The following ARL15 variants were observed in gnomAD, a reference collection of about 807,000 sequenced individuals.
The protein encoded by ARL15 is ARF like GTPase 15, also known as ADP-ribosylation factor-like protein 15.
A neutral mutation model predicts 25.2 loss-of-function variants in ARL15; 19 were observed. The ratio of observed to expected loss-of-function variants is 0.75; its 90% CI spans 0.53 to 1.10. The LOEUF (loss-of-function observed/expected upper bound fraction) is 1.10. Ranked by LOEUF, ARL15 falls within the 50% of genes least tolerant of loss-of-function variation. The pLI is 0.00. For synonymous variants in ARL15, 94 were observed against 86.8 expected (o/e 1.08, Z -0.46); for missense variants, 220 against 246.0 (o/e 0.89, Z 0.71).
intron 4 of ARL15, among the ~76,000 whole-genome samples, chr5:54,013,842 C>T (rs908201857): frequency 6.6e-6 from 1 of 151,998 alleles, no homozygotes; most frequent in Non-Finnish European, 1.5e-5. Context: ...ATTCCCTTAC[C>T]CCCCCACCCA....
chr5:54,078,898 T>C (rs903723038), intron 4 of ARL15, among the ~76,000 whole-genome samples: 3 of 152,162 alleles, frequency 2.0e-5, no homozygotes, highest in Admixed American at 2.0e-4. Flanking sequence ...GTTTTAGTAG[T>C]AAAGTATCGC....
chr5:53,957,133 A>T (rs1177088640), intron 4 of ARL15, among the ~76,000 whole-genome samples: 1 of 152,212 alleles, frequency 6.6e-6, no homozygotes, highest in African/African-American at 2.4e-5. Context: ...ATGCAAAGAG[A>T]TCTGCACCAA....
chr5:54,260,034 G>A (rs565223852), intron 1 of ARL15, among the ~76,000 whole-genome samples: 74 of 152,274 alleles, frequency 4.9e-4, no homozygotes, highest in African/African-American at 1.7e-3. Context: ...AACCCTGAAT[G>A]TGTTAGAATT....
intron 4 of ARL15, among the ~76,000 whole-genome samples, chr5:53,946,009 T>C (rs1746714291): frequency 6.6e-6 from 1 of 152,178 alleles, no homozygotes. Context: ...TATTCCACCC[T>C]TTAGCTGTGT....
chr5:54,300,944 C>A (rs1216240017), intron 1 of ARL15, among the ~76,000 whole-genome samples: 1 of 152,212 alleles, frequency 6.6e-6, no homozygotes, highest in East Asian at 1.9e-4. Flanking sequence ...AAACACAGAA[C>A]CCCTGAAGTC....
intron 4 of ARL15, among the ~76,000 whole-genome samples, chr5:53,912,393 T>C (rs1001950159): frequency 3.9e-5 from 6 of 152,182 alleles, no homozygotes; most frequent in Admixed American, 2.6e-4. Context: ...CAATGAAAAA[T>C]CAGTGATTAA....
chr5:53,889,137 A>AAAT (rs1006896371), intron 4 of ARL15, among the ~76,000 whole-genome samples: 42 of 151,974 alleles, frequency 2.8e-4, no homozygotes, highest in Non-Finnish European at 5.3e-4. Flanking sequence ...TTAAAATAAT[A>AAAT]AATAATAATA....
intron 4 of ARL15, among the ~76,000 whole-genome samples, chr5:54,083,638 T>G (rs1293912511): frequency 6.6e-6 from 1 of 152,226 alleles, no homozygotes; most frequent in East Asian, 1.9e-4. Flanking sequence ...TTAACTATAT[T>G]ATCAGTGCAG....
chr5:54,210,206 C>T (rs1247751438), intron 1 of ARL15, among the ~76,000 whole-genome samples: 2 of 151,914 alleles, frequency 1.3e-5, no homozygotes, highest in Non-Finnish European at 2.9e-5. Flanking sequence ...TTAAACGTAC[C>T]CACTTCAAAA....
At chr5:54,071,524 CCG>C (rs753316539) in intron 4 of ARL15, among the ~76,000 whole-genome samples, 38,025 of 116,450 alleles carry the variant, frequency 0.33, 7,794 homozygotes, top group African/African-American at 0.54. Context: ...CCCCCCCCCC[CCG>C]CAAAGCCAGA....
chr5:54,104,018 CA>C (rs1752515853), intron 4 of ARL15, among the ~76,000 whole-genome samples: 1 of 152,128 alleles, frequency 6.6e-6, no homozygotes, highest in African/African-American at 2.4e-5. Flanking sequence ...GATTACTGGT[CA>C]AAACCTTTAA....
chr5:53,918,492 G>A (rs901888095), intron 4 of ARL15, among the ~76,000 whole-genome samples: 10 of 152,068 alleles, frequency 6.6e-5, no homozygotes, highest in Admixed American at 2.6e-4. Flanking sequence ...GCTGCTAGCC[G>A]GAAATCAGAC....
chr5:54,050,374 C>T (rs1750667799), intron 4 of ARL15, among the ~76,000 whole-genome samples: 1 of 152,190 alleles, frequency 6.6e-6, no homozygotes, highest in Non-Finnish European at 1.5e-5. Flanking sequence ...AACTTACCTT[C>T]CTACTTTACT....
At chr5:54,006,362 T>G (rs1431306122) in intron 4 of ARL15, among the ~76,000 whole-genome samples, 2 of 152,100 alleles carry the variant, frequency 1.3e-5, no homozygotes, top group Non-Finnish European at 2.9e-5. Flanking sequence ...CTGTAAGAAA[T>G]ATTTTGATAT....
chr5:54,247,953 C>G (rs17440900), intron 1 of ARL15, among the ~76,000 whole-genome samples: 11,932 of 151,864 alleles, frequency 0.079, 595 homozygotes, highest in Non-Finnish European at 0.12. Flanking sequence ...GATGATGGAG[C>G]TTTTTTACAG....
chr5:54,134,744 C>T lies in ARL15; in HGVS notation c.253+19836G>A, dbSNP rs930737961. Among the ~76,000 whole-genome samples the T allele has an allele frequency of 9.2e-5, 14 of 151,996 alleles. 1 individual carries two copies. Among genetic ancestry groups the T allele is most frequent in the African/African-American group, 2.9e-4 (12 of 41,480 alleles). ...GGACTACAGGCACGCACCACCACAC[C>T]CAGCTAATTTTTGTGTTTTTAGTAG... On this transcript the variant is annotated intron_variant, in intron 3 of 4. Transcript: ENST00000504924.
intron 3 of ARL15, among the ~76,000 whole-genome samples, chr5:54,146,497 T>G (rs1021013098): frequency 6.6e-6 from 1 of 152,196 alleles, no homozygotes; most frequent in Non-Finnish European, 1.5e-5. Context: ...AAAATACTGG[T>G]CTCTTGACTT....
intron 1 of ARL15, among the ~76,000 whole-genome samples, chr5:54,298,855 C>A (rs1430515409): frequency 6.6e-6 from 1 of 151,460 alleles, no homozygotes; most frequent in East Asian, 1.9e-4. Context: ...AGTTCTCTTT[C>A]TCCCAGACTC....
At chr5:54,022,582 G>A (rs1749642244) in intron 4 of ARL15, among the ~76,000 whole-genome samples, 1 of 152,146 alleles carries the variant, frequency 6.6e-6, no homozygotes, top group African/African-American at 2.4e-5. Flanking sequence ...TAACAAGACA[G>A]CCTCTGCTCA....
Sources: gnomAD v4.1 joint callset for allele counts (sites outside exome capture counted in the v4.1 genomes callset) on GRCh38, gnomAD v4.1.1 for gene constraint, MANE v1.5 for transcripts, NCBI Gene and HGNC (gene_info 2026-07-23, HGNC 2026-07-21) for gene names.